The following DNAH11 variants were observed in gnomAD, a reference collection of about 807,000 sequenced individuals.
DNAH11 encodes the protein axonemal beta dynein heavy chain 11.
Under a neutral mutation model 526.0 loss-of-function variants are expected in DNAH11, and 442 were observed. The observed-to-expected ratio is 0.84, with a 90% CI of 0.78 to 0.91. The LOEUF is 0.91. Ranked by LOEUF, DNAH11 falls within the 40% of genes least tolerant of loss-of-function variation. DNAH11 has a pLI of 0.00. For synonymous variants in DNAH11, 2,461 were observed against 1,935.9 expected, an observed-to-expected ratio of 1.27 and a Z score of -7.12; for missense variants, 6,989 against 5,448.7, an observed-to-expected ratio of 1.28 and a Z score of -8.90.
chr7:21,636,857 A>G (rs1466409526), intron 26 of DNAH11, among the ~76,000 whole-genome samples: 1 of 152,186 alleles, frequency 6.6e-6, no homozygotes, highest in Non-Finnish European at 1.5e-5. Context: ...AAACAGATTC[A>G]TCTTCAGAAG....
chr7:21,588,002 T>A, intron 9 of DNAH11, 62 bp from the exon 10 acceptor site: 1 of 1,524,344 alleles, frequency 6.6e-7, no homozygotes, highest in Non-Finnish European at 8.9e-7. Context: ...GGGAACATTA[T>A]GAGCTGAGTA....
chr7:21,564,161 G>C lies in DNAH11; in HGVS notation c.983-25G>C, dbSNP rs534768165. Reference sequence around the variant, plus strand: ...AAAAAAAAAAACAAACCAGAATCACGTTAATGGTGGTTCTTTGCTTTCAGC... The same window carrying C: ...AAAAAAAAAAACAAACCAGAATCACCTTAATGGTGGTTCTTTGCTTTCAGC... On this transcript the variant is annotated intron_variant, in intron 5 of 81. Coordinates refer to ENST00000409508, the MANE Select transcript of DNAH11 (RefSeq NM_001277115.2). 4.1e-6 allele frequency: 6 copies of C among 1,477,024 alleles called. No individual in the cohort carries two copies. In the East Asian group the frequency reaches 7.0e-5, roughly 17 times the overall value. 91.5% of individuals were successfully genotyped at this position (1,477,024 alleles called of 1,614,324 possible). A position where few individuals can be genotyped will look rare whatever the true frequency, so the allele number is the denominator to read the frequency against.
At chr7:21,705,765 T>A (rs529231817) in intron 39 of DNAH11, among the ~76,000 whole-genome samples, 4 of 152,126 alleles carry the variant, frequency 2.6e-5, no homozygotes, top group Non-Finnish European at 5.9e-5. Context: ...TGCATTCACA[T>A]AGGAAAAGCA....
In DNAH11 at chr7:21,591,180, C is replaced by T. The variant is rs1460953805; in HGVS notation, c.2275-5C>T. The T allele has an allele frequency of 6.5e-7, 1 of 1,538,072 alleles. No homozygotes were observed. Reference sequence around the variant, plus strand: ...ACTTTTTGTTTTGGGGTTTTCTTTGCTCAGTACATTGGAAATCTTGACCTT... The same window carrying T: ...ACTTTTTGTTTTGGGGTTTTCTTTGTTCAGTACATTGGAAATCTTGACCTT... On this transcript the variant is annotated splice_region_variant and splice_polypyrimidine_tract_variant and intron_variant, in intron 13 of 81. Coordinates refer to ENST00000409508, the MANE Select transcript of DNAH11 (RefSeq NM_001277115.2).
chr7:21,645,841 C>T (rs751875039), intron 28 of DNAH11, among the ~76,000 whole-genome samples: 8 of 151,524 alleles, frequency 5.3e-5, no homozygotes, highest in East Asian at 1.9e-4. Context: ...GTGAAACAAA[C>T]GATATACAAC....
At chr7:21,747,648 A>G (rs1786209952) in intron 51 of DNAH11, among the ~76,000 whole-genome samples, 2 of 152,254 alleles carry the variant, frequency 1.3e-5, no homozygotes, top group South Asian at 4.1e-4. Context: ...TTATAGAACA[A>G]GGGATTAGTT....
chr7:21,891,685 C>A (rs527421898), intron 76 of DNAH11, among the ~76,000 whole-genome samples: 1 of 152,072 alleles, frequency 6.6e-6, no homozygotes, highest in Admixed American at 6.5e-5. Context: ...TAGATGGGCA[C>A]GATAAAAGCC....
At chr7:21,852,445 C>T (rs374446338) in intron 66 of DNAH11, 22 bp from the exon 67 acceptor site, 87 of 1,589,726 alleles carry the variant, frequency 5.5e-5, no homozygotes, top group Non-Finnish European at 6.9e-5. Context: ...CCATTTCCCA[C>T]ACTTTTCTTG....
At chr7:21,561,447 TAA>T (rs35392204) in intron 5 of DNAH11, 1,158 of 239,004 alleles carry the variant, frequency 4.8e-3, no homozygotes, top group East Asian at 0.017. Context: ...CATTCGGAGT[TAA>T]AAAAAAAAAA....
intron 61 of DNAH11, among the ~76,000 whole-genome samples, chr7:21,794,903 T>A (rs1005368211): frequency 6.6e-6 from 1 of 152,148 alleles, no homozygotes; most frequent in African/African-American, 2.4e-5. Flanking sequence ...GGGGGGCATT[T>A]TCTACGTGCA....
intron 65 of DNAH11, among the ~76,000 whole-genome samples, chr7:21,825,902 T>C (rs764540630): frequency 7.4e-5 from 11 of 148,416 alleles, no homozygotes; most frequent in Non-Finnish European, 1.0e-4. Flanking sequence ...GAGCTCGCAG[T>C]GAGCCAAGAT....
At position 21,649,113 on chromosome 7, in the gene DNAH11, C is replaced by G. The variant is rs531984606; in HGVS notation, c.4945-6719C>G. ...CATACAATGAGATATCAAGATCAAACCCACCAAAGGCTAAAATTAAAACTC... is the reference window on the plus strand; with the variant it reads ...CATACAATGAGATATCAAGATCAAAGCCACCAAAGGCTAAAATTAAAACTC... On this transcript the variant is annotated intron_variant, in intron 28 of 81. Coordinates refer to ENST00000409508, the MANE Select transcript of DNAH11 (RefSeq NM_001277115.2). 2.6e-5 allele frequency among the ~76,000 whole-genome samples: 4 copies of G among 152,258 alleles called. No individual in the cohort carries two copies. In the East Asian group the frequency reaches 5.8e-4, roughly 22 times the overall value.
chr7:21,847,218 G>A (rs1279230845), intron 66 of DNAH11, among the ~76,000 whole-genome samples: 1 of 152,088 alleles, frequency 6.6e-6, no homozygotes, highest in Non-Finnish European at 1.5e-5. Context: ...GTATTCACAA[G>A]CTTGCTTTAG....
intron 61 of DNAH11, among the ~76,000 whole-genome samples, chr7:21,790,651 T>C (rs1382207273): frequency 1.3e-5 from 2 of 152,128 alleles, no homozygotes; most frequent in Admixed American, 1.3e-4. Context: ...CGACATGGGC[T>C]TTAGATGTTG....
chr7:21,572,014 T>A, intron 8 of DNAH11, 41 bp downstream of exon 8: 2 of 1,428,956 alleles, frequency 1.4e-6, no homozygotes, highest in Non-Finnish European at 1.8e-6. Context: ...TGGGATCCTA[T>A]AATTTTATAG....
At chr7:21,563,240 G>T (rs1459546847) in intron 5 of DNAH11, among the ~76,000 whole-genome samples, 1 of 151,150 alleles carries the variant, frequency 6.6e-6, no homozygotes, top group East Asian at 1.9e-4. Flanking sequence ...ACAGGGTCTT[G>T]CTCTGTTGCC....
chr7:21,602,174 T>C (rs1163855322), intron 18 of DNAH11, among the ~76,000 whole-genome samples: 1 of 151,978 alleles, frequency 6.6e-6, no homozygotes, highest in Non-Finnish European at 1.5e-5. Flanking sequence ...ACCCCATCTC[T>C]ACTAAAAATA....
intron 25 of DNAH11, among the ~76,000 whole-genome samples, chr7:21,623,579 T>G (rs558393574): frequency 1.7e-3 from 257 of 152,118 alleles, no homozygotes; most frequent in East Asian, 4.2e-3. Context: ...TGTCCAACAA[T>G]GATAGACTGG....
intron 30 of DNAH11, among the ~76,000 whole-genome samples, chr7:21,663,827 T>C (rs151337166): frequency 2.8e-4 from 42 of 152,090 alleles, no homozygotes; most frequent in Middle Eastern, 6.8e-3. Context: ...ATTCGTCCAT[T>C]GATGGAGACC....
Sources: gnomAD v4.1 joint callset for allele counts (sites outside exome capture counted in the v4.1 genomes callset) on GRCh38, gnomAD v4.1.1 for gene constraint, MANE v1.5 for transcripts, NCBI Gene and HGNC (gene_info 2026-07-23, HGNC 2026-07-21) for gene names.